The following PTBP3 variants were observed in gnomAD, a reference collection of about 807,000 sequenced individuals.
PTBP3 encodes the protein polypyrimidine tract-binding protein 3.
In PTBP3, 20 loss-of-function variants were observed where a neutral mutation model predicts 58.7. That is an observed-to-expected ratio of 0.34 (90% confidence interval 0.24 to 0.50). The LOEUF (loss-of-function observed/expected upper bound fraction) is 0.50, where lower values mean the gene tolerates loss of function less well. PTBP3 is among the 20% of genes least tolerant of loss of function. The pLI is 0.98. For synonymous variants in PTBP3, 185 were observed against 219.8 expected, an observed-to-expected ratio of 0.84 and a Z score of 1.40; for missense variants, 509 against 637.2, an observed-to-expected ratio of 0.80 and a Z score of 2.17.
intron 1 of PTBP3, among the ~76,000 whole-genome samples, chr9:112,324,337 AG>A (rs566577367): frequency 6.6e-6 from 1 of 152,284 alleles, no homozygotes; most frequent in Non-Finnish European, 1.5e-5. Context: ...CTAAAAAAAA[AG>A]TTAAAGGAAA....
chr9:112,322,731 G>C (rs1279522138), intron 1 of PTBP3, among the ~76,000 whole-genome samples: 1 of 152,182 alleles, frequency 6.6e-6, no homozygotes, highest in East Asian at 1.9e-4. Flanking sequence ...ATTCAAACAG[G>C]ACACAGATTT....
intron 3 of PTBP3, among the ~76,000 whole-genome samples, chr9:112,270,032 T>C (rs7037818): frequency 0.85 from 128,563 of 151,412 alleles, 54,997 homozygotes; most frequent in African/African-American, 0.95. Context: ...ATACCCTCCG[T>C]CTCCTGGGTT....
chr9:112,337,661 A>G (rs1051712328), upstream of PTBP3, among the ~76,000 whole-genome samples: 1 of 152,220 alleles, frequency 6.6e-6, no homozygotes, highest in Non-Finnish European at 1.5e-5. Context: ...AATTTAGTTT[A>G]TAATTTTTCT....
At chr9:112,241,077 G>T (rs1019291735) in intron 7 of PTBP3, among the ~76,000 whole-genome samples, 3 of 151,816 alleles carry the variant, frequency 2.0e-5, no homozygotes, top group African/African-American at 7.3e-5. Flanking sequence ...GTAAGCTAAG[G>T]TTATTTTATT....
At chr9:112,307,109 T>C (rs1036054008) in intron 1 of PTBP3, among the ~76,000 whole-genome samples, 2 of 152,030 alleles carry the variant, frequency 1.3e-5, no homozygotes, top group Non-Finnish European at 2.9e-5. Flanking sequence ...TCAACTGAAG[T>C]GTTGGAATTG....
At chr9:112,308,648 T>A (rs2148991) in intron 1 of PTBP3, among the ~76,000 whole-genome samples, 127,818 of 152,096 alleles carry the variant, frequency 0.84, 53,995 homozygotes, top group African/African-American at 0.92. Context: ...ACCAAAAGAA[T>A]AAAAGACTGT....
In PTBP3 at chr9:112,333,587, G is replaced by A. The variant is rs932627499; in HGVS notation, c.-169C>T. On this transcript the variant is annotated 5_prime_UTR_variant, in exon 1 of 14. Coordinates refer to ENST00000374257, the MANE Select transcript of PTBP3 (RefSeq NM_001163788.4). ...GGGGACAAGCGAGCTTTGGCTCTGC[G>A]GAGCCCCGGCCGGTCCGAGGTGGAA... 88 of 1,362,730 alleles carry A rather than the reference G, an allele frequency of 6.5e-5. No individual in the cohort carries two copies. The highest frequency in any genetic ancestry group is 9.0e-5 in the Non-Finnish European group (88 of 977,622). 84.4% of individuals were successfully genotyped at this position (1,362,730 alleles called of 1,614,324 possible).
chr9:112,221,284 C>T lies in PTBP3; in HGVS notation c.*2567G>A. The T allele has an allele frequency of 1.0e-6, 1 of 985,052 alleles. No individual in the cohort carries two copies. Among genetic ancestry groups the T allele is most frequent in the Non-Finnish European group, 1.2e-6 (1 of 829,452 alleles). The allele number at this position is 985,052 out of a possible 1,614,324, so 61.0% of individuals were successfully genotyped here. A position where few individuals can be genotyped will look rare whatever the true frequency, so the allele number is the denominator to read the frequency against. On this transcript the variant is annotated 3_prime_UTR_variant, in exon 14 of 14. Transcript: ENST00000374257. ...ACTTATCTACACACACACACATTCA[C>T]ACACACACACAAACACACCCCTACA...
At chr9:112,341,217 C>T in the PTBP3 span, among the ~76,000 whole-genome samples, 1 of 152,088 alleles carries the variant, frequency 6.6e-6, no homozygotes, top group Non-Finnish European at 1.5e-5. Context: ...CTGCAACCTC[C>T]ACCTCCTGGG....
intron 2 of PTBP3, among the ~76,000 whole-genome samples, chr9:112,297,049 C>T (rs1828718605): frequency 6.6e-6 from 1 of 152,164 alleles, no homozygotes; most frequent in Admixed American, 6.5e-5. Context: ...CACTCTCTTT[C>T]CAGTACTGCA....
At chr9:112,281,866 A>G (rs541030853) in intron 2 of PTBP3, among the ~76,000 whole-genome samples, 1 of 152,344 alleles carries the variant, frequency 6.6e-6, no homozygotes, top group African/African-American at 2.4e-5. Flanking sequence ...AGTTAAGGCT[A>G]CCACACAAAA....
chr9:112,359,840 C>CAA, the PTBP3 span, among the ~76,000 whole-genome samples: 2,698 of 149,578 alleles, frequency 0.018, 61 homozygotes, highest in African/African-American at 0.055. Flanking sequence ...AACAAAACAC[C>CAA]AAAAAAAAAA....
At chr9:112,231,957 GAGAAGAGAA>G (rs1835226535) in intron 9 of PTBP3, 133 bp downstream of exon 9, 2 of 378,554 alleles carry the variant, frequency 5.3e-6, no homozygotes, top group Non-Finnish European at 4.3e-6. Context: ...GAGAAGAGAA[GAGAAGAGAA>G]GAGAGAAGAG....
intron 10 of PTBP3, 89 bp from the exon 11 acceptor site, chr9:112,228,561 T>TATA: frequency 1.1e-6 from 1 of 876,542 alleles, no homozygotes; most frequent in Non-Finnish European, 1.7e-6. Context: ...AAGGCATTTC[T>TATA]TACTCTCCCT....
intron 1 of PTBP3, among the ~76,000 whole-genome samples, chr9:112,316,098 A>G (rs1829692487): frequency 1.3e-5 from 2 of 152,196 alleles, no homozygotes; most frequent in Admixed American, 6.5e-5. Context: ...GGAACCATCT[A>G]GTAAAGTTAA....
At chr9:112,231,264 C>G in intron 10 of PTBP3, 116 bp downstream of exon 10, 1 of 707,026 alleles carries the variant, frequency 1.4e-6, no homozygotes, top group Non-Finnish European at 2.2e-6. Context: ...ACTGTTTTAT[C>G]CTCAGTGTCA....
chr9:112,267,038 CA>C (rs1836827523), intron 4 of PTBP3, among the ~76,000 whole-genome samples: 1 of 152,110 alleles, frequency 6.6e-6, no homozygotes, highest in Non-Finnish European at 1.5e-5. Context: ...ATGTGGAAAA[CA>C]AATCTCACCA....
chr9:112,270,311 T>C lies in PTBP3; in HGVS notation c.205-2116A>G, dbSNP rs575125327. Among the ~76,000 whole-genome samples, 9 of 152,334 alleles carry C rather than the reference T, an allele frequency of 5.9e-5. No homozygotes were observed. In the East Asian group the frequency reaches 1.7e-3, roughly 29 times the overall value. ...TGAAAAAAGGTTACACATAAATATG[T>C]AAAGGTATTTCCTGTATTTTACATG... On this transcript the variant is annotated intron_variant, in intron 3 of 13. Coordinates refer to ENST00000374257, the MANE Select transcript of PTBP3 (RefSeq NM_001163788.4).
chr9:112,311,799 T>C (rs1432820976), intron 1 of PTBP3, among the ~76,000 whole-genome samples: 5 of 152,086 alleles, frequency 3.3e-5, no homozygotes, highest in African/African-American at 1.2e-4. Context: ...GGTTTTTTAA[T>C]TAGCCGGGTG....
Sources: gnomAD v4.1 joint callset for allele counts (sites outside exome capture counted in the v4.1 genomes callset) on GRCh38, gnomAD v4.1.1 for gene constraint, MANE v1.5 for transcripts, NCBI Gene and HGNC (gene_info 2026-07-23, HGNC 2026-07-21) for gene names.